Variants in RBM33 observed in about 807,000 individuals in gnomAD.
The protein encoded by RBM33 is RNA binding motif protein 33, also known as RNA-binding protein 33.
In RBM33, 28 loss-of-function variants were observed where a neutral mutation model predicts 132.6. The ratio of observed to expected loss-of-function variants is 0.21; its 90% CI spans 0.16 to 0.29. The LOEUF is 0.29. Ranked by LOEUF, RBM33 falls within the 10% of genes least tolerant of loss-of-function variation. RBM33 has a pLI of 1.00. For synonymous variants in RBM33, 634 were observed against 593.0 expected, an observed-to-expected ratio of 1.07 and a Z score of -1.01; for missense variants, 1,291 against 1,518.5, an observed-to-expected ratio of 0.85 and a Z score of 2.49.
chr7:155,685,954 T>C (rs1257257530), intron 5 of RBM33, among the ~76,000 whole-genome samples: 3 of 152,238 alleles, frequency 2.0e-5, no homozygotes, highest in Admixed American at 2.0e-4. Flanking sequence ...TGAATAATAC[T>C]ATGACAGTCT....
chr7:155,662,884 C>G (rs964365299), intron 1 of RBM33, among the ~76,000 whole-genome samples: 1 of 152,080 alleles, frequency 6.6e-6, no homozygotes, highest in African/African-American at 2.4e-5. Context: ...GTCCTGTGTT[C>G]TTGGCTGCAC....
rs1801495027 is a variant in RBM33 at position 155,745,701 on chromosome 7, C to G, written c.2979+99C>G. On this transcript the variant is annotated intron_variant, in intron 14 of 17. Transcript: ENST00000401878. This position sits in a 1 kb window ranked among gnomAD's most constrained non-coding sequence, Gnocchi z 4.1. ...TTTTTGAAGAAAGAATTAAAAGTTACCTCTGTTATAGTCTTGTAACCAATC... is the reference window on the plus strand; with the variant it reads ...TTTTTGAAGAAAGAATTAAAAGTTAGCTCTGTTATAGTCTTGTAACCAATC... The G allele has an allele frequency of 1.0e-5, 12 of 1,203,604 alleles. No individual in the cohort carries two copies. Among genetic ancestry groups the G allele is most frequent in the African/African-American group, 1.5e-5 (1 of 64,826 alleles). 74.6% of individuals were successfully genotyped at this position (1,203,604 alleles called of 1,614,324 possible). A position where few individuals can be genotyped will look rare whatever the true frequency, so the allele number is the denominator to read the frequency against.
intron 6 of RBM33, among the ~76,000 whole-genome samples, chr7:155,705,237 G>C (rs1381322846): frequency 6.6e-6 from 1 of 152,148 alleles, no homozygotes; most frequent in African/African-American, 2.4e-5. Context: ...TTTTGTGACA[G>C]CTTGTCTCAA....
chr7:155,673,943 T>TTGTTTGTTTTTTTTTTTG (rs1563138289), intron 3 of RBM33, among the ~76,000 whole-genome samples: 1 of 17,314 alleles, frequency 5.8e-5, no homozygotes, highest in Non-Finnish European at 1.2e-4. Flanking sequence ...AGGCTTAGTT[T>TTGTTTGTTTTTTTTTTTG]TTTTTTTTTT....
chr7:155,743,622 C>T (rs1400559688), intron 13 of RBM33, among the ~76,000 whole-genome samples: 2 of 152,120 alleles, frequency 1.3e-5, no homozygotes, highest in Non-Finnish European at 1.5e-5. Context: ...GAAAGATCTT[C>T]TATTTGTTTT....
intron 1 of RBM33, among the ~76,000 whole-genome samples, chr7:155,659,007 C>T (rs1798569127): frequency 6.6e-6 from 1 of 152,152 alleles, no homozygotes. Flanking sequence ...AGGGAGATAA[C>T]AGTAGACAGA....
At chr7:155,707,217 C>A (rs977158007) in intron 7 of RBM33, 149 bp downstream of exon 7, 10 of 759,854 alleles carry the variant, frequency 1.3e-5, no homozygotes, top group Non-Finnish European at 2.1e-5. Context: ...GCTTTATAGT[C>A]TCATGTGATG....
chr7:155,734,323 C>T (rs1939389909), intron 9 of RBM33, among the ~76,000 whole-genome samples: 2 of 152,190 alleles, frequency 1.3e-5, no homozygotes, highest in South Asian at 2.1e-4. Flanking sequence ...TCAGCCCCAT[C>T]CAAACTCTTA....
intron 1 of RBM33, among the ~76,000 whole-genome samples, chr7:155,646,295 T>C (rs765477189): frequency 9.2e-5 from 14 of 152,378 alleles, no homozygotes; most frequent in Middle Eastern, 3.4e-3. Context: ...ATTTCTAAAA[T>C]AGTAATATCA....
chr7:155,766,443 A>G, intron 15 of RBM33, 24 bp from the exon 16 acceptor site: 2 of 1,611,486 alleles, frequency 1.2e-6, no homozygotes, highest in Non-Finnish European at 1.7e-6. Context: ...GAAACTCTGA[A>G]TGTATTTCCT....
intron 14 of RBM33, among the ~76,000 whole-genome samples, chr7:155,752,893 C>G (rs538113388): frequency 6.6e-6 from 1 of 152,236 alleles, no homozygotes; most frequent in South Asian, 2.1e-4. Flanking sequence ...TTCTGCAGCC[C>G]GATCTTCTCA....
At chr7:155,680,186 C>T (rs1355795189) in intron 4 of RBM33, among the ~76,000 whole-genome samples, 1 of 152,170 alleles carries the variant, frequency 6.6e-6, no homozygotes, top group Non-Finnish European at 1.5e-5. Context: ...TTACTTTGAA[C>T]TCTTAGCAGT....
At chr7:155,751,490 C>T (rs1350575056) in intron 14 of RBM33, among the ~76,000 whole-genome samples, 2 of 152,202 alleles carry the variant, frequency 1.3e-5, no homozygotes, top group African/African-American at 4.8e-5. Flanking sequence ...CAGGGTCCAG[C>T]CAGGATCATG....
intron 5 of RBM33, among the ~76,000 whole-genome samples, chr7:155,684,630 T>C (rs188166268): frequency 6.6e-6 from 1 of 152,306 alleles, no homozygotes; most frequent in East Asian, 1.9e-4. Flanking sequence ...ACCATGTCTT[T>C]TGAAGGTGGC....
Position 155,766,707 on chromosome 7 carries a change from A to G in RBM33, c.3375+52A>G, listed in dbSNP as rs1802232849. On this transcript the variant is annotated intron_variant, in intron 16 of 17. Coordinates refer to ENST00000401878, the MANE Select transcript of RBM33 (RefSeq NM_053043.3). ...CCACGGGTAGTTGTGTCCCAAGACA[A>G]AATCATTTCTTGATTTAAAACACAG... is the stretch of plus-strand genomic sequence containing the variant. 4 of 1,539,232 alleles carry G rather than the reference A, an allele frequency of 2.6e-6. No individual in the cohort carries two copies. In the Admixed American group the frequency reaches 7.7e-5, roughly 29 times the overall value.
chr7:155,729,621 C>G (rs186451764), intron 9 of RBM33, among the ~76,000 whole-genome samples: 1 of 151,520 alleles, frequency 6.6e-6, no homozygotes, highest in East Asian at 1.9e-4. Flanking sequence ...CCTGTAGTCC[C>G]GGGTTCTCTG....
chr7:155,720,921 C>T (rs1800603544), intron 9 of RBM33, among the ~76,000 whole-genome samples: 1 of 152,172 alleles, frequency 6.6e-6, no homozygotes, highest in African/African-American at 2.4e-5. Context: ...AGTGATGGAA[C>T]ATTGAACTTC....
At position 155,737,575 on chromosome 7, in the gene RBM33, A is replaced by C. The variant is rs1461371299; in HGVS notation, c.1306A>C (p.Ser436Arg). ...PQHTPGPVPN[S>R]FSQPPRLPLQ... ...GCATACACCTGGACCTGTTCCCAAC[A>C]GTTTCAGCCAGCCCCCACGACTCCC... The change falls in exon 10 of 18, where the codon AGT becomes CGT. Residue 436 changes from serine (S) to arginine (R), a missense_variant. Physicochemically the swap from Ser to Arg is moderately radical, Grantham distance 110. Transcript: ENST00000401878. 6.2e-7 allele frequency: 1 copy of C among 1,613,292 alleles called. No homozygotes were observed. The highest frequency in any genetic ancestry group is 2.2e-5 in the East Asian group (1 of 44,842).
intron 2 of RBM33, among the ~76,000 whole-genome samples, chr7:155,669,937 A>G (rs1403116736): frequency 6.6e-6 from 1 of 152,184 alleles, no homozygotes; most frequent in Non-Finnish European, 1.5e-5. Context: ...CGGCTGTGCC[A>G]GCTGCTCCTG....
Sources: gnomAD v4.1 joint callset for allele counts (sites outside exome capture counted in the v4.1 genomes callset) on GRCh38, gnomAD v4.1.1 for gene constraint, Gnocchi (gnomAD v3.1) non-coding constraint, MANE v1.5 for transcripts, NCBI Gene and HGNC (gene_info 2026-07-23, HGNC 2026-07-21) for gene names.